The following SRD5A2 variants were observed in gnomAD, a reference collection of about 807,000 sequenced individuals.
SRD5A2 encodes the protein 3-oxo-5-alpha-steroid 4-dehydrogenase 2.
SRD5A2 carries 30 observed loss-of-function variants against 27.4 expected under a neutral mutation model. That is an observed-to-expected ratio of 1.10 (90% CI 0.82 to 1.49). SRD5A2 has a LOEUF of 1.49. SRD5A2 is among the 40% of genes most tolerant of loss of function. The pLI, the probability that SRD5A2 is intolerant of heterozygous loss-of-function variation, is 0.00. For synonymous variants in SRD5A2, 141 were observed against 133.6 expected, an observed-to-expected ratio of 1.06 and a Z score of -0.38; for missense variants, 348 against 323.4, an observed-to-expected ratio of 1.08 and a Z score of -0.58.
At chr2:31,603,027 T>C in the SRD5A2 span, among the ~76,000 whole-genome samples, 1 of 151,802 alleles carries the variant, frequency 6.6e-6, no homozygotes, top group Non-Finnish European at 1.5e-5. Context: ...ATGGTGAAGA[T>C]GTCAAAACTA....
At chr2:31,628,065 A>G in the SRD5A2 span, among the ~76,000 whole-genome samples, 1 of 152,096 alleles carries the variant, frequency 6.6e-6, no homozygotes, top group Admixed American at 6.6e-5. Flanking sequence ...TAATACTGTC[A>G]GTGGGGTGTT....
rs187372141 is a variant in SRD5A2 at position 31,570,299 on chromosome 2, G to C, written c.281+10321C>G. Among the ~76,000 whole-genome samples, 136 of 152,204 alleles carry C rather than the reference G, an allele frequency of 8.9e-4. 1 individual carries two copies. The highest frequency in any genetic ancestry group is 3.0e-3 in the African/African-American group (125 of 41,532). On this transcript the variant is annotated intron_variant, in intron 1 of 4. Coordinates refer to ENST00000622030, the MANE Select transcript of SRD5A2 (RefSeq NM_000348.4). The stretch of plus-strand genomic sequence containing the variant: ...CTACATGATTATCTTAATAGATTCA[G>C]AAAAGGCTTTCAATACAACTAAACA...
At chr2:31,586,322 G>A in the SRD5A2 span, among the ~76,000 whole-genome samples, 140 of 152,280 alleles carry the variant, frequency 9.2e-4, no homozygotes, top group African/African-American at 3.3e-3. Flanking sequence ...CTGGGGCTTG[G>A]GGGAACTTGC....
At chr2:31,604,330 G>T in the SRD5A2 span, among the ~76,000 whole-genome samples, 1 of 151,592 alleles carries the variant, frequency 6.6e-6, no homozygotes, top group Non-Finnish European at 1.5e-5. Flanking sequence ...AAATTGAAAA[G>T]GAAGAAGTCA....
chr2:31,629,614 C>T, the SRD5A2 span, among the ~76,000 whole-genome samples: 1 of 152,110 alleles, frequency 6.6e-6, no homozygotes, highest in African/African-American at 2.4e-5. Flanking sequence ...CTAGAACCAG[C>T]TTCCACTTTC....
the SRD5A2 span, among the ~76,000 whole-genome samples, chr2:31,620,038 G>A: frequency 2.6e-5 from 4 of 151,914 alleles, no homozygotes; most frequent in East Asian, 1.9e-4. Flanking sequence ...GAATGGTATC[G>A]CTTATGTTGT....
At chr2:31,606,993 A>G in the SRD5A2 span, among the ~76,000 whole-genome samples, 7 of 152,032 alleles carry the variant, frequency 4.6e-5, no homozygotes, top group Non-Finnish European at 1.0e-4. Flanking sequence ...CACAGCAGAG[A>G]TGTAAAAATA....
the SRD5A2 span, among the ~76,000 whole-genome samples, chr2:31,652,677 G>A: frequency 6.6e-6 from 1 of 152,092 alleles, no homozygotes; most frequent in Admixed American, 6.5e-5. Flanking sequence ...AGAAGATGAA[G>A]CTAAAAAAGC....
At chr2:31,642,618 A>G in the SRD5A2 span, among the ~76,000 whole-genome samples, 1 of 152,076 alleles carries the variant, frequency 6.6e-6, no homozygotes, top group African/African-American at 2.4e-5. Flanking sequence ...ACAGTTTTAT[A>G]AAGTTAAAAT....
At chr2:31,591,601 G>A in the SRD5A2 span, among the ~76,000 whole-genome samples, 3 of 151,698 alleles carry the variant, frequency 2.0e-5, no homozygotes, top group African/African-American at 4.9e-5. Flanking sequence ...ACACCCAAAG[G>A]ATTACAAATC....
intron 1 of SRD5A2, among the ~76,000 whole-genome samples, chr2:31,558,078 C>T (rs571176393): frequency 6.6e-6 from 1 of 152,166 alleles, no homozygotes; most frequent in Non-Finnish European, 1.5e-5. Flanking sequence ...GGAAATCTTA[C>T]TTGGAAGGCC....
At chr2:31,645,431 G>A in the SRD5A2 span, among the ~76,000 whole-genome samples, 1 of 151,992 alleles carries the variant, frequency 6.6e-6, no homozygotes, top group Admixed American at 6.6e-5. Context: ...CACCTACTAT[G>A]TACCCACAAA....
the SRD5A2 span, among the ~76,000 whole-genome samples, chr2:31,607,048 A>G: frequency 6.6e-6 from 1 of 152,024 alleles, no homozygotes; most frequent in Non-Finnish European, 1.5e-5. Flanking sequence ...TTTTGAAATA[A>G]AAAATTATGA....
the SRD5A2 span, among the ~76,000 whole-genome samples, chr2:31,602,385 C>T: frequency 1.3e-5 from 2 of 152,030 alleles, no homozygotes; most frequent in South Asian, 4.2e-4. Context: ...GAATTACCAA[C>T]CACTGCTCAA....
chr2:31,641,169 C>T, the SRD5A2 span, among the ~76,000 whole-genome samples: 30 of 152,036 alleles, frequency 2.0e-4, no homozygotes, highest in Admixed American at 2.0e-3. Flanking sequence ...GGAGCAAAGC[C>T]AACTTATCTC....
the SRD5A2 span, among the ~76,000 whole-genome samples, chr2:31,606,793 C>A: frequency 6.6e-6 from 1 of 151,894 alleles, no homozygotes; most frequent in South Asian, 2.1e-4. Context: ...CCCATATTAG[C>A]TTGCTAAGGC....
At chr2:31,549,794 C>T (rs768446588) in intron 1 of SRD5A2, among the ~76,000 whole-genome samples, 2 of 152,152 alleles carry the variant, frequency 1.3e-5, no homozygotes, top group African/African-American at 4.8e-5. Flanking sequence ...AAGGCTTCAA[C>T]ACCCATTTCT....
chr2:31,575,758 C>T (rs1367305923), intron 1 of SRD5A2, among the ~76,000 whole-genome samples: 2 of 152,170 alleles, frequency 1.3e-5, no homozygotes, highest in Non-Finnish European at 2.9e-5. Context: ...TTACATTGCC[C>T]AAAACCTTTT....
At chr2:31,635,357 A>G in the SRD5A2 span, among the ~76,000 whole-genome samples, 1 of 152,116 alleles carries the variant, frequency 6.6e-6, no homozygotes, top group Non-Finnish European at 1.5e-5. Flanking sequence ...CTTTTGAGAA[A>G]TGTCTATTCA....
Sources: allele counts gnomAD v4.1 joint callset (sites outside exome capture counted in the v4.1 genomes callset), GRCh38; gene constraint gnomAD v4.1.1; transcripts MANE v1.5; gene names NCBI Gene and HGNC (gene_info 2026-07-23, HGNC 2026-07-21).